The following FSTL5 variants were observed in gnomAD, a reference collection of about 807,000 sequenced individuals.
FSTL5 encodes follistatin like 5, also known as follistatin-related protein 5.
A neutral mutation model predicts 89.1 loss-of-function variants in FSTL5; 62 were observed. The observed-to-expected ratio is 0.70, with a 90% confidence interval of 0.57 to 0.86. The LOEUF (loss-of-function observed/expected upper bound fraction) is 0.86. Ranked by LOEUF, FSTL5 falls within the 40% of genes least tolerant of loss-of-function variation. FSTL5 has a pLI of 0.00. For synonymous variants in FSTL5, 383 were observed against 346.2 expected, an observed-to-expected ratio of 1.11 and a Z score of -1.18; for missense variants, 1,057 against 1,001.6, an observed-to-expected ratio of 1.06 and a Z score of -0.75.
intron 11 of FSTL5, among the ~76,000 whole-genome samples, chr4:161,503,963 G>T (rs968220970): frequency 6.6e-6 from 1 of 151,832 alleles, no homozygotes; most frequent in African/African-American, 2.4e-5. Flanking sequence ...TTAATGTAGG[G>T]TTTAGTTTTC....
At chr4:161,526,076 T>A (rs553315241) in intron 10 of FSTL5, among the ~76,000 whole-genome samples, 3 of 152,246 alleles carry the variant, frequency 2.0e-5, no homozygotes, top group African/African-American at 7.2e-5. Context: ...TTTAGGCAAA[T>A]TTTTAGGATT....
chr4:161,608,444 T>C (rs576666413), intron 7 of FSTL5, among the ~76,000 whole-genome samples: 1 of 152,072 alleles, frequency 6.6e-6, no homozygotes, highest in Non-Finnish European at 1.5e-5. Context: ...TGCTTCCACA[T>C]GAAAGGATTA....
At chr4:161,742,157 C>T (rs774862371) in intron 6 of FSTL5, among the ~76,000 whole-genome samples, 1 of 152,086 alleles carries the variant, frequency 6.6e-6, no homozygotes, top group Non-Finnish European at 1.5e-5. Context: ...AGGAAATAAA[C>T]TACTAGTTAT....
intron 9 of FSTL5, among the ~76,000 whole-genome samples, chr4:161,540,440 A>G (rs1056193475): frequency 6.6e-6 from 1 of 152,112 alleles, no homozygotes; most frequent in Non-Finnish European, 1.5e-5. Flanking sequence ...TGCTCTTTCA[A>G]TCGTGAGGTA....
intron 6 of FSTL5, among the ~76,000 whole-genome samples, chr4:161,755,961 G>A (rs966082857): frequency 2.6e-5 from 4 of 151,888 alleles, no homozygotes; most frequent in Non-Finnish European, 2.9e-5. Context: ...TAAAGAAATC[G>A]ATAAGTATTT....
chr4:161,948,293 A>G (rs1461453699), intron 3 of FSTL5, among the ~76,000 whole-genome samples: 3 of 31,154 alleles, frequency 9.6e-5, no homozygotes, highest in Non-Finnish European at 3.1e-4. Flanking sequence ...TAAAGAAATG[A>G]AAAAAAAAAA....
intron 4 of FSTL5, among the ~76,000 whole-genome samples, chr4:161,848,409 T>G (rs924860607): frequency 6.6e-6 from 1 of 152,196 alleles, no homozygotes. Context: ...AATAGTCTCC[T>G]AAATTCCTTT....
At chr4:162,136,843 C>T (rs1360459517) in intron 1 of FSTL5, among the ~76,000 whole-genome samples, 2 of 151,804 alleles carry the variant, frequency 1.3e-5, no homozygotes, top group African/African-American at 2.4e-5. Context: ...TTCTCAGAGA[C>T]TTTAGTATGA....
intron 3 of FSTL5, among the ~76,000 whole-genome samples, chr4:162,011,698 T>C (rs978999185): frequency 1.3e-5 from 2 of 152,190 alleles, no homozygotes; most frequent in African/African-American, 2.4e-5. Context: ...GGTTTCACCA[T>C]GTTGGCCAGG....
intron 8 of FSTL5, among the ~76,000 whole-genome samples, chr4:161,571,104 G>A (rs569104141): frequency 4.8e-4 from 73 of 150,946 alleles, no homozygotes; most frequent in African/African-American, 1.7e-3. Context: ...GCAAGACTCC[G>A]TTTAAAAAAA....
intron 4 of FSTL5, among the ~76,000 whole-genome samples, chr4:161,868,608 T>C (rs1301698985): frequency 2.6e-5 from 4 of 152,230 alleles, no homozygotes; most frequent in Non-Finnish European, 4.4e-5. Flanking sequence ...AGTTTTTCAA[T>C]GACTACTTAT....
intron 7 of FSTL5, among the ~76,000 whole-genome samples, chr4:161,646,261 A>G (rs373550877): frequency 6.7e-6 from 1 of 148,670 alleles, no homozygotes; most frequent in Non-Finnish European, 1.5e-5. Flanking sequence ...CTCTCTCTCT[A>G]TATATCTCAT....
chr4:161,966,507 C>T (rs1274569596), intron 3 of FSTL5, among the ~76,000 whole-genome samples: 1 of 152,046 alleles, frequency 6.6e-6, no homozygotes, highest in Non-Finnish European at 1.5e-5. Context: ...AGGGTCTTTA[C>T]AGAGATGATA....
intron 6 of FSTL5, among the ~76,000 whole-genome samples, chr4:161,657,308 G>C (rs543939837): frequency 1.6e-4 from 25 of 152,294 alleles, no homozygotes; most frequent in African/African-American, 5.5e-4. Flanking sequence ...TGTAAAAACT[G>C]ACCTTTTGTT....
chr4:161,607,457 T>G (rs1476418928), intron 7 of FSTL5, among the ~76,000 whole-genome samples: 1 of 152,136 alleles, frequency 6.6e-6, no homozygotes, highest in Non-Finnish European at 1.5e-5. Context: ...ATGGCTTCTT[T>G]TCATATTTAT....
intron 15 of FSTL5, among the ~76,000 whole-genome samples, chr4:161,388,777 C>T (rs1334693265): frequency 6.6e-6 from 1 of 152,086 alleles, no homozygotes. Flanking sequence ...CTTGAGTCTT[C>T]TAGTCCCTTT....
intron 3 of FSTL5, among the ~76,000 whole-genome samples, chr4:162,014,108 C>T (rs148641322): frequency 5.3e-5 from 8 of 152,296 alleles, no homozygotes; most frequent in African/African-American, 1.9e-4. Flanking sequence ...CACCCTGCAT[C>T]TGTGGAGGCA....
chr4:161,670,990 A>G (rs1481128011), intron 6 of FSTL5, among the ~76,000 whole-genome samples: 1 of 152,226 alleles, frequency 6.6e-6, no homozygotes, highest in African/African-American at 2.4e-5. Flanking sequence ...TGCACAGGTC[A>G]AAAGCTTCAC....
chr4:161,761,229 G>A (rs956083621), intron 5 of FSTL5, among the ~76,000 whole-genome samples: 4 of 152,038 alleles, frequency 2.6e-5, no homozygotes, highest in African/African-American at 9.7e-5. Context: ...ACTACCTAAC[G>A]CTGAAGCCAT....
Sources: allele counts gnomAD v4.1 joint callset (sites outside exome capture counted in the v4.1 genomes callset), GRCh38; gene constraint gnomAD v4.1.1; transcripts MANE v1.5; gene names NCBI Gene and HGNC (gene_info 2026-07-23, HGNC 2026-07-21).